The following WASHC3 variants were observed in gnomAD, a reference collection of about 807,000 sequenced individuals.
WASHC3 encodes WASH complex subunit CCDC53.
In WASHC3, 24 loss-of-function variants were observed where a neutral mutation model predicts 26.1. The observed-to-expected ratio is 0.92, with a 90% CI of 0.66 to 1.29. The LOEUF (loss-of-function observed/expected upper bound fraction) is 1.29, where lower values mean the gene tolerates loss of function less well. Among genes scored for constraint, WASHC3 ranks in the 50% most tolerant of loss-of-function variants. The pLI is 0.00. For synonymous variants in WASHC3, 77 were observed against 75.7 expected, an observed-to-expected ratio of 1.02 and a Z score of -0.09; for missense variants, 214 against 229.6, an observed-to-expected ratio of 0.93 and a Z score of 0.44.
At chr12:102,026,908 C>T (rs1279148607) in intron 5 of WASHC3, among the ~76,000 whole-genome samples, 1 of 152,088 alleles carries the variant, frequency 6.6e-6, no homozygotes, top group Non-Finnish European at 1.5e-5. Flanking sequence ...GGCATGGGAC[C>T]CTCCCTCTCA....
intron 2 of WASHC3, among the ~76,000 whole-genome samples, chr12:102,055,724 G>A (rs1029956411): frequency 2.6e-5 from 4 of 152,114 alleles, no homozygotes; most frequent in African/African-American, 9.7e-5. Context: ...TGCTTTCTTT[G>A]TTTCTTTCAT....
intron 2 of WASHC3, among the ~76,000 whole-genome samples, chr12:102,053,569 G>A (rs1472324676): frequency 6.6e-6 from 1 of 152,066 alleles, no homozygotes; most frequent in Non-Finnish European, 1.5e-5. Context: ...AGAGAAACAC[G>A]TCACTACTAA....
chr12:102,043,298 C>T (rs1395693705), intron 4 of WASHC3, among the ~76,000 whole-genome samples: 1 of 152,106 alleles, frequency 6.6e-6, no homozygotes, highest in Non-Finnish European at 1.5e-5. Flanking sequence ...GAGGCAGGGA[C>T]TTGCGCTGTC....
chr12:102,029,593 G>T (rs768669112), intron 5 of WASHC3, among the ~76,000 whole-genome samples: 5 of 152,104 alleles, frequency 3.3e-5, no homozygotes, highest in African/African-American at 4.8e-5. Flanking sequence ...AAACCATGTT[G>T]AAATTTTCCT....
chr12:102,018,425 T>C (rs959155383), intron 6 of WASHC3, among the ~76,000 whole-genome samples: 16 of 152,198 alleles, frequency 1.1e-4, no homozygotes, highest in Non-Finnish European at 1.6e-4. Flanking sequence ...CCACCAACAA[T>C]GCACAGGGGC....
At chr12:102,047,058 T>C (rs10860834) in intron 2 of WASHC3, among the ~76,000 whole-genome samples, 5,458 of 152,310 alleles carry the variant, frequency 0.036, 399 homozygotes, top group East Asian at 0.3. Context: ...CTTGTTACTC[T>C]GTATAATTAA....
intron 6 of WASHC3, among the ~76,000 whole-genome samples, chr12:102,015,707 T>C (rs1423638764): frequency 6.6e-6 from 1 of 152,188 alleles, no homozygotes; most frequent in African/African-American, 2.4e-5. Flanking sequence ...GTTCCTTCCC[T>C]GAAGCAGCTA....
chr12:102,055,563 C>G (rs1878561545), intron 2 of WASHC3, among the ~76,000 whole-genome samples: 1 of 152,228 alleles, frequency 6.6e-6, no homozygotes, highest in Non-Finnish European at 1.5e-5. Context: ...CCAGGCTGGT[C>G]TCGAACTCTT....
At chr12:102,039,694 C>T (rs145800715) in intron 5 of WASHC3, among the ~76,000 whole-genome samples, 174 bp downstream of exon 5, 29 of 150,104 alleles carry the variant, frequency 1.9e-4, no homozygotes, top group Non-Finnish European at 3.7e-4. Flanking sequence ...AAAGATTTGA[C>T]TTCCTTTTTT....
upstream of WASHC3, chr12:102,061,997 C>T: frequency 6.4e-7 from 1 of 1,566,372 alleles, no homozygotes; most frequent in African/African-American, 1.4e-5. Flanking sequence ...AGTTCACCCA[C>T]AAACCCCTCC....
At chr12:102,047,738 CAA>C (rs1011139495) in intron 2 of WASHC3, among the ~76,000 whole-genome samples, 1 of 151,798 alleles carries the variant, frequency 6.6e-6, no homozygotes, top group Non-Finnish European at 1.5e-5. Context: ...CAAAAGGAAA[CAA>C]AAAAATGGAA....
chr12:102,047,591 C>A (rs1312995757), intron 2 of WASHC3, among the ~76,000 whole-genome samples: 1 of 152,068 alleles, frequency 6.6e-6, no homozygotes, highest in Non-Finnish European at 1.5e-5. Context: ...TCCTTAAAAT[C>A]ATAGAAATTT....
At chr12:102,048,877 G>A (rs1372027013) in intron 2 of WASHC3, among the ~76,000 whole-genome samples, 3 of 152,156 alleles carry the variant, frequency 2.0e-5, no homozygotes, top group Admixed American at 1.3e-4. Context: ...TCCATGGCAT[G>A]ATTAAGAAAG....
chr12:102,039,363 T>C (rs1206447079), intron 5 of WASHC3, among the ~76,000 whole-genome samples: 1 of 152,056 alleles, frequency 6.6e-6, no homozygotes, highest in East Asian at 1.9e-4. Flanking sequence ...AATGTTAGCT[T>C]CTGCTATCAC....
At chr12:102,019,689 C>A (rs548249258) in intron 6 of WASHC3, among the ~76,000 whole-genome samples, 1 of 151,976 alleles carries the variant, frequency 6.6e-6, no homozygotes, top group Non-Finnish European at 1.5e-5. Context: ...ATTTGTGACA[C>A]CAAAATTATC....
At chr12:102,018,118 A>C (rs1188355647) in intron 6 of WASHC3, among the ~76,000 whole-genome samples, 1 of 152,196 alleles carries the variant, frequency 6.6e-6, no homozygotes, top group African/African-American at 2.4e-5. Flanking sequence ...AAGTCCATCT[A>C]TGTTGTAGCA....
chr12:102,016,397 G>T (rs1477017545), intron 6 of WASHC3, among the ~76,000 whole-genome samples: 1 of 151,318 alleles, frequency 6.6e-6, no homozygotes, highest in African/African-American at 2.4e-5. Flanking sequence ...TAGTGATGGG[G>T]TTTCTCCATG....
intron 5 of WASHC3, among the ~76,000 whole-genome samples, chr12:102,037,680 G>T (rs1247448034): frequency 3.9e-5 from 6 of 152,186 alleles, no homozygotes; most frequent in Non-Finnish European, 8.8e-5. Context: ...AAACTGTATA[G>T]GATTTCTTGG....
At chr12:102,038,665 A>C (rs919456895) in intron 5 of WASHC3, among the ~76,000 whole-genome samples, 9 of 152,130 alleles carry the variant, frequency 5.9e-5, no homozygotes, top group African/African-American at 2.2e-4. Context: ...AATTAAAAAA[A>C]CTTCATCTAT....
Sources: allele counts gnomAD v4.1 joint callset (sites outside exome capture counted in the v4.1 genomes callset), GRCh38; gene constraint gnomAD v4.1.1; transcripts MANE v1.5; gene names NCBI Gene and HGNC (gene_info 2026-07-23, HGNC 2026-07-21).